GRID1: variants seen among roughly 807,000 people sequenced by gnomAD.
GRID1 encodes glutamate ionotropic receptor delta type subunit 1, also known as glutamate receptor ionotropic, delta-1.
A neutral mutation model predicts 98.0 loss-of-function variants in GRID1; 28 were observed. The ratio of observed to expected loss-of-function variants is 0.29; its 90% CI spans 0.21 to 0.39. GRID1 has a LOEUF of 0.39. GRID1 is among the 10% of genes least tolerant of loss of function. The probability of loss-of-function intolerance (pLI) is 1.00; values close to 1 mark genes in which losing one functional copy is unlikely to be tolerated. For synonymous variants in GRID1, 553 were observed against 538.5 expected, an observed-to-expected ratio of 1.03 and a Z score of -0.37; for missense variants, 1,111 against 1,340.5, an observed-to-expected ratio of 0.83 and a Z score of 2.67.
At chr10:86,156,216 C>T (rs2131983345) in intron 3 of GRID1, among the ~76,000 whole-genome samples, 1 of 152,326 alleles carries the variant, frequency 6.6e-6, no homozygotes, top group Non-Finnish European at 1.5e-5. Flanking sequence ...CATCCGTCTT[C>T]CTCTGGAAAC....
chr10:86,171,046 AC>A (rs1352852442), intron 3 of GRID1, among the ~76,000 whole-genome samples: 27 of 152,144 alleles, frequency 1.8e-4, no homozygotes, highest in African/African-American at 6.5e-4. Context: ...TTCAAGGCAT[AC>A]TAGAATCACC....
chr10:86,101,770 G>T (rs1844299855), intron 4 of GRID1, among the ~76,000 whole-genome samples: 1 of 151,914 alleles, frequency 6.6e-6, no homozygotes, highest in Non-Finnish European at 1.5e-5. Flanking sequence ...CTTCTGAGTG[G>T]CTGGGACTAC....
intron 8 of GRID1, among the ~76,000 whole-genome samples, chr10:85,742,329 C>T (rs958109327): frequency 1.3e-5 from 2 of 152,130 alleles, no homozygotes; most frequent in African/African-American, 4.8e-5. Flanking sequence ...CTACTCCACA[C>T]ATTGAGTAGT....
intron 12 of GRID1, among the ~76,000 whole-genome samples, chr10:85,710,134 G>T (rs549417704): frequency 2.0e-5 from 3 of 151,926 alleles, no homozygotes; most frequent in African/African-American, 7.3e-5. Flanking sequence ...ACTAAAATTG[G>T]TACAAGATTT....
At chr10:85,945,405 G>A (rs1041875124) in intron 4 of GRID1, among the ~76,000 whole-genome samples, 3 of 150,976 alleles carry the variant, frequency 2.0e-5, no homozygotes, top group African/African-American at 7.3e-5. Flanking sequence ...TTCAAAGCCT[G>A]CTTCCAGTTT....
chr10:85,637,082 C>T (rs1351309148), intron 13 of GRID1, among the ~76,000 whole-genome samples: 1 of 152,018 alleles, frequency 6.6e-6, no homozygotes, highest in Non-Finnish European at 1.5e-5. Flanking sequence ...TAAAGTTTTA[C>T]CACATTGTCA....
intron 2 of GRID1, among the ~76,000 whole-genome samples, chr10:86,253,452 T>G (rs1321223937): frequency 1.3e-5 from 2 of 152,222 alleles, no homozygotes; most frequent in Admixed American, 1.3e-4. Flanking sequence ...CCTGGGGCCA[T>G]CGTTCTGTGG....
intron 4 of GRID1, among the ~76,000 whole-genome samples, chr10:86,007,814 T>C (rs374009259): frequency 4.8e-5 from 7 of 145,882 alleles, no homozygotes; most frequent in Non-Finnish European, 7.5e-5. Flanking sequence ...TTTTTGTTTT[T>C]TGTGTTTTTT....
chr10:86,234,887 A>G (rs930582784), intron 2 of GRID1, among the ~76,000 whole-genome samples: 3 of 152,170 alleles, frequency 2.0e-5, no homozygotes, highest in African/African-American at 7.2e-5. Flanking sequence ...GGGGAAAATC[A>G]CTACCTGCAG....
chr10:86,089,816 G>A (rs1021777113), intron 4 of GRID1, among the ~76,000 whole-genome samples: 19 of 151,280 alleles, frequency 1.3e-4, no homozygotes, highest in Admixed American at 2.6e-4. Context: ...GCGTGATCTC[G>A]GCTCACTGCA....
intron 15 of GRID1, chr10:85,606,560 G>A (rs573823736): frequency 6.6e-6 from 1 of 152,352 alleles, no homozygotes; most frequent in Non-Finnish European, 1.5e-5. Context: ...GTCTCACAAT[G>A]TGTCCTTTAA....
chr10:85,999,574 C>G (rs765255057), intron 4 of GRID1, among the ~76,000 whole-genome samples: 11 of 152,112 alleles, frequency 7.2e-5, no homozygotes, highest in Non-Finnish European at 8.8e-5. Context: ...AAAATGTTAA[C>G]TATTAGCAAA....
At chr10:85,946,685 G>T (rs533719116) in intron 4 of GRID1, among the ~76,000 whole-genome samples, 1 of 152,202 alleles carries the variant, frequency 6.6e-6, no homozygotes, top group East Asian at 1.9e-4. Context: ...ATTGCGGGGG[G>T]AAGAATCCCC....
At chr10:85,897,551 A>G (rs531237863) in intron 5 of GRID1, among the ~76,000 whole-genome samples, 1 of 152,214 alleles carries the variant, frequency 6.6e-6, no homozygotes, top group East Asian at 1.9e-4. Context: ...CCTGAGGCCC[A>G]AAGTGGCTTG....
At chr10:86,217,094 G>A (rs1403866601) in intron 2 of GRID1, among the ~76,000 whole-genome samples, 1 of 152,128 alleles carries the variant, frequency 6.6e-6, no homozygotes, top group Non-Finnish European at 1.5e-5. Flanking sequence ...GGCCTCCCTG[G>A]GAAGTGGGTA....
chr10:86,289,990 C>T (rs765646493), intron 2 of GRID1, among the ~76,000 whole-genome samples: 10 of 152,094 alleles, frequency 6.6e-5, no homozygotes, highest in Non-Finnish European at 1.0e-4. Context: ...CAAGACACCG[C>T]GAGGGAGCAA....
chr10:85,704,537 A>G (rs1190312466), intron 12 of GRID1, among the ~76,000 whole-genome samples: 1 of 152,256 alleles, frequency 6.6e-6, no homozygotes, highest in East Asian at 1.9e-4. Flanking sequence ...TTAACATCCC[A>G]CTGTCAACAT....
chr10:86,047,788 G>A (rs146769535), intron 4 of GRID1, among the ~76,000 whole-genome samples: 98 of 152,242 alleles, frequency 6.4e-4, no homozygotes, highest in Admixed American at 3.8e-3. Flanking sequence ...ATGAAATTAC[G>A]TGTCTAATTA....
At chr10:85,691,296 G>A (rs1305518147) in intron 12 of GRID1, among the ~76,000 whole-genome samples, 1 of 152,104 alleles carries the variant, frequency 6.6e-6, no homozygotes, top group African/African-American at 2.4e-5. Context: ...CATAACTTTT[G>A]TTTTCTTTAG....
Sources: allele counts gnomAD v4.1 joint callset (sites outside exome capture counted in the v4.1 genomes callset), GRCh38; gene constraint gnomAD v4.1.1; transcripts MANE v1.5; gene names NCBI Gene and HGNC (gene_info 2026-07-23, HGNC 2026-07-21).